GALM: variants seen among roughly 807,000 people sequenced by gnomAD.
The protein encoded by GALM is galactose mutarotase.
A neutral mutation model predicts 37.4 loss-of-function variants in GALM; 43 were observed. That is an observed-to-expected ratio of 1.15 (90% CI 0.90 to 1.48). The LOEUF (loss-of-function observed/expected upper bound fraction) is 1.48, where lower values mean the gene tolerates loss of function less well. Among genes scored for constraint, GALM ranks in the 40% most tolerant of loss-of-function variants. GALM has a pLI of 0.00. For synonymous variants in GALM, 199 were observed against 170.6 expected, an observed-to-expected ratio of 1.17 and a Z score of -1.30; for missense variants, 456 against 419.1, an observed-to-expected ratio of 1.09 and a Z score of -0.77.
chr2:38,678,204 C>T (rs1370316260), intron 2 of GALM, among the ~76,000 whole-genome samples: 5 of 151,952 alleles, frequency 3.3e-5, no homozygotes, highest in Non-Finnish European at 7.4e-5. Context: ...TTAGTAGAGA[C>T]AGGGTTTGTT....
Position 38,681,341 on chromosome 2 carries a change from G to A in GALM, c.407G>A (p.Gly136Asp), listed in dbSNP as rs764841921. 48 of 1,613,954 alleles carry A rather than the reference G, an allele frequency of 3.0e-5. 1 individual carries two copies. In the South Asian group the frequency reaches 4.9e-4, roughly 17 times the overall value. Residue 136 changes from glycine to aspartate, a missense_variant, in exon 3 of 7, where the codon GGT (glycine) becomes GAT (aspartate). Gly to Asp is a moderately conservative substitution (Grantham distance 94). Coordinates refer to ENST00000272252, the MANE Select transcript of GALM (RefSeq NM_138801.3). ...CAGTTCTCGCGCATCAGTCCAGATG[G>A]TGAAGAAGGCTACCCCGGAGAGTTA... ...GVQFSRISPD[G>D]EEGYPGELKV... is the part of the protein sequence containing the mutation.
chr2:38,670,682 T>C (rs1665078807), intron 1 of GALM, among the ~76,000 whole-genome samples: 1 of 152,204 alleles, frequency 6.6e-6, no homozygotes, highest in Non-Finnish European at 1.5e-5. Context: ...AGGGAGCAAC[T>C]AATCATTTTT....
chr2:38,698,252 C>T, intron 4 of GALM: 5 of 396,552 alleles, frequency 1.3e-5, no homozygotes, highest in Non-Finnish European at 2.5e-5. Flanking sequence ...TAGAATTCAT[C>T]ACCTAACTTC....
chr2:38,680,681 T>C (rs963518270), intron 2 of GALM, among the ~76,000 whole-genome samples: 2 of 151,690 alleles, frequency 1.3e-5, no homozygotes, highest in African/African-American at 2.4e-5. Context: ...GATATTGCTA[T>C]ATGGCGTTTA....
At chr2:38,682,648 GCACTTTGGGAGGCCGAGATGAGTGAAT>G (rs1467525519) in intron 3 of GALM, among the ~76,000 whole-genome samples, 2 of 152,096 alleles carry the variant, frequency 1.3e-5, no homozygotes, top group African/African-American at 2.4e-5. Context: ...TGTAATCCCG[GCACTTTGGGAGGCCGAGATGAGTGAAT>G]CACCTGAGGT....
At chr2:38,709,396 A>T (rs1296469149) in intron 4 of GALM, among the ~76,000 whole-genome samples, 7 of 152,180 alleles carry the variant, frequency 4.6e-5, no homozygotes, top group Non-Finnish European at 7.4e-5. Context: ...AAAATGCCTT[A>T]CGTGGTCCCA....
intron 1 of GALM, chr2:38,668,423 C>T (rs1396599988): frequency 6.6e-6 from 1 of 152,154 alleles, no homozygotes; most frequent in Non-Finnish European, 1.5e-5. Flanking sequence ...GGGAGATATA[C>T]AACACTCTGT....
rs937055711 is a variant in GALM, at chr2:38,733,647, C to T, written c.*82C>T. On this transcript the variant is annotated 3_prime_UTR_variant, in exon 7 of 7. Coordinates refer to ENST00000272252, the MANE Select transcript of GALM (RefSeq NM_138801.3). ...CAGAAAAAAGGTGAAGATTAAGAAG[C>T]TTTCAGAATGATTCTATGGATTAAA... 2 of 992,168 alleles carry T rather than the reference C, an allele frequency of 2.0e-6. No individual in the cohort carries two copies. The highest frequency in any genetic ancestry group is 1.3e-5 in the South Asian group (1 of 77,552). 61.5% of individuals were successfully genotyped at this position (992,168 alleles called of 1,614,324 possible).
chr2:38,692,672 T>C (rs1276093549), intron 4 of GALM, among the ~76,000 whole-genome samples: 1 of 152,138 alleles, frequency 6.6e-6, no homozygotes, highest in African/African-American at 2.4e-5. Context: ...TGGCAGTCTA[T>C]GGGAAGGGTC....
At chr2:38,688,730 G>A (rs890828941) in intron 3 of GALM, among the ~76,000 whole-genome samples, 5 of 152,124 alleles carry the variant, frequency 3.3e-5, no homozygotes, top group South Asian at 2.1e-4. Flanking sequence ...GTTATTTGCC[G>A]ATTTGCAAAC....
intron 3 of GALM, among the ~76,000 whole-genome samples, chr2:38,686,192 T>TA (rs201779760): frequency 0.031 from 4,181 of 136,118 alleles, 235 homozygotes; most frequent in African/African-American, 0.11. Flanking sequence ...CTCTAGTGCT[T>TA]AAAAAAAAAA....
intron 4 of GALM, among the ~76,000 whole-genome samples, chr2:38,692,075 C>T (rs1665689436): frequency 6.6e-6 from 1 of 152,128 alleles, no homozygotes; most frequent in African/African-American, 2.4e-5. Flanking sequence ...CTGCTATTTC[C>T]ACAACTCTTC....
rs967413175 is a variant in GALM, at chr2:38,675,971, G to A, written c.250G>A (p.Ala84Thr). 86 of 1,613,920 alleles carry A rather than the reference G, an allele frequency of 5.3e-5. No individual in the cohort carries two copies. The highest frequency in any genetic ancestry group is 3.3e-4 in the Middle Eastern group (2 of 6,084). Residue 84 changes from alanine (A) to threonine (T), a missense_variant, in exon 2 of 7, where the codon GCC becomes ACC. Transcript: ENST00000272252. Reference protein sequence around the residue: ...AVIGRVANRIAKGTFKVDGKE... With the variant: ...AVIGRVANRITKGTFKVDGKE... ...TATTGGGAGGGTGGCCAACCGAATC[G>A]CCAAAGGAACCTTCAAGGTGGATGG...
intron 4 of GALM, among the ~76,000 whole-genome samples, chr2:38,696,014 T>TA (rs1402973866): frequency 6.6e-6 from 1 of 152,070 alleles, no homozygotes; most frequent in African/African-American, 2.4e-5. Context: ...GTTTGTTTTT[T>TA]AAATCTCTCT....
chr2:38,680,649 G>GT (rs965843745), intron 2 of GALM, among the ~76,000 whole-genome samples: 22 of 151,684 alleles, frequency 1.5e-4, no homozygotes, highest in African/African-American at 4.8e-4. Flanking sequence ...ATTTATTAAA[G>GT]TTTTTTTTAA....
intron 3 of GALM, among the ~76,000 whole-genome samples, chr2:38,684,534 C>T (rs1366616079): frequency 4.0e-5 from 6 of 151,854 alleles, no homozygotes; most frequent in Admixed American, 6.6e-5. Flanking sequence ...AGGCTGGGTG[C>T]GGCAGCTCAC....
intron 4 of GALM, among the ~76,000 whole-genome samples, chr2:38,717,675 A>G (rs1383136458): frequency 6.6e-6 from 1 of 151,976 alleles, no homozygotes; most frequent in Non-Finnish European, 1.5e-5. Context: ...TGCTGGAATT[A>G]TAGGTGGAAG....
chr2:38,715,527 T>G (rs1239986732), intron 4 of GALM, among the ~76,000 whole-genome samples: 2 of 152,192 alleles, frequency 1.3e-5, no homozygotes, highest in Non-Finnish European at 2.9e-5. Flanking sequence ...AGCTTCATCC[T>G]CCTGGGCTCA....
intron 3 of GALM, among the ~76,000 whole-genome samples, chr2:38,689,053 C>T (rs1469651475): frequency 1.3e-5 from 2 of 152,232 alleles, no homozygotes; most frequent in Non-Finnish European, 1.5e-5. Context: ...CTCCTGACCT[C>T]AGGTGATCCG....
Sources: gnomAD v4.1 joint callset for allele counts (sites outside exome capture counted in the v4.1 genomes callset) on GRCh38, gnomAD v4.1.1 for gene constraint, MANE v1.5 for transcripts, NCBI Gene and HGNC (gene_info 2026-07-23, HGNC 2026-07-21) for gene names.